ARV1: variants seen among roughly 807,000 people sequenced by gnomAD.
ARV1 encodes the protein ARV1 fatty acid homeostasis modulator, also known as protein ARV1.
ARV1 carries 26 observed loss-of-function variants against 31.1 expected under a neutral mutation model. The ratio of observed to expected loss-of-function variants is 0.84; its 90% confidence interval spans 0.61 to 1.16. The LOEUF is 1.16. Ranked by LOEUF, ARV1 falls within the 50% of genes most tolerant of loss-of-function variation. The probability of loss-of-function intolerance (pLI) is 0.00; values close to 1 mark genes in which losing one functional copy is unlikely to be tolerated. For missense variants in ARV1, 281 were observed against 324.9 expected (o/e 0.86, Z 1.04); for synonymous variants, 117 against 123.2 (o/e 0.95, Z 0.34).
intron 1 of ARV1, among the ~76,000 whole-genome samples, chr1:230,987,754 A>G (rs1679123233): frequency 6.6e-6 from 1 of 152,158 alleles, no homozygotes; most frequent in Non-Finnish European, 1.5e-5. Flanking sequence ...TACTGGAGAA[A>G]AACCCAGGCT....
chr1:230,996,985 T>C, intron 4 of ARV1, 136 bp from the exon 5 acceptor site: 1 of 1,057,478 alleles, frequency 9.5e-7, no homozygotes, highest in Non-Finnish European at 1.4e-6. Context: ...TGGGAGAAGG[T>C]AACAGCATAG....
At chr1:230,986,300 A>G (rs540392468) in intron 1 of ARV1, among the ~76,000 whole-genome samples, 2 of 152,258 alleles carry the variant, frequency 1.3e-5, no homozygotes, top group African/African-American at 4.8e-5. Context: ...AAACATACCT[A>G]TTCTTGTAAT....
chr1:230,989,516 AT>A (rs1679173396), intron 2 of ARV1, among the ~76,000 whole-genome samples: 1 of 152,142 alleles, frequency 6.6e-6, no homozygotes, highest in African/African-American at 2.4e-5. Flanking sequence ...GTTGCCTAGT[AT>A]TTTTTATTTT....
At chr1:230,995,596 A>C (rs547768081) in intron 3 of ARV1, among the ~76,000 whole-genome samples, 164 bp from the exon 4 acceptor site, 78 of 143,334 alleles carry the variant, frequency 5.4e-4, no homozygotes, top group South Asian at 1.9e-3. Context: ...AAAAAAAAAC[A>C]ACACACAAAC....
intron 4 of ARV1, among the ~76,000 whole-genome samples, chr1:230,996,299 C>T (rs1281455297): frequency 1.3e-5 from 2 of 152,208 alleles, no homozygotes; most frequent in East Asian, 1.9e-4. Flanking sequence ...GCTTGTCCGA[C>T]GTTACATGGC....
At chr1:230,987,677 G>A (rs1490586684) in intron 1 of ARV1, among the ~76,000 whole-genome samples, 1 of 152,204 alleles carries the variant, frequency 6.6e-6, no homozygotes, top group East Asian at 1.9e-4. Flanking sequence ...TCTCCAGACT[G>A]TACAGACAGT....
chr1:230,983,861 A>G (rs1678979084), intron 1 of ARV1, among the ~76,000 whole-genome samples: 2 of 152,242 alleles, frequency 1.3e-5, no homozygotes. Flanking sequence ...TCTTTAGAGG[A>G]AGATTTTTCT....
chr1:230,994,297 G>A (rs529027839), intron 3 of ARV1, among the ~76,000 whole-genome samples: 1 of 152,342 alleles, frequency 6.6e-6, no homozygotes, highest in East Asian at 1.9e-4. Context: ...GAGAGATGCT[G>A]TAGCTTTGAG....
At chr1:230,997,869 C>T (rs921054814) in intron 5 of ARV1, among the ~76,000 whole-genome samples, 1 of 152,164 alleles carries the variant, frequency 6.6e-6, no homozygotes, top group Non-Finnish European at 1.5e-5. Context: ...TCTGCCAGTG[C>T]ACAGAACCTC....
At chr1:230,998,539 C>T (rs1558247722) in intron 5 of ARV1, among the ~76,000 whole-genome samples, 1 of 152,150 alleles carries the variant, frequency 6.6e-6, no homozygotes, top group Non-Finnish European at 1.5e-5. Flanking sequence ...GCCTGCTTCC[C>T]CTGTTTCTTC....
chr1:230,986,709 G>T (rs1478226216), intron 1 of ARV1, among the ~76,000 whole-genome samples: 2 of 88,138 alleles, frequency 2.3e-5, no homozygotes, highest in Non-Finnish European at 4.2e-5. Context: ...TTTTTTTTGA[G>T]AGAGAGAGAC....
chr1:230,986,600 A>G (rs1423070627), intron 1 of ARV1, among the ~76,000 whole-genome samples: 1 of 150,134 alleles, frequency 6.7e-6, no homozygotes, highest in Non-Finnish European at 1.5e-5. Flanking sequence ...ATAGTATGGA[A>G]CCCAATTACC....
rs1354755225 is a variant in ARV1, at chr1:230,990,188, A to G, written c.373A>G (p.Asn125Asp). The stretch of plus-strand genomic sequence containing the variant: ...GTGGCAGCTTCAAGATTCCAACCAG[A>G]ATACTGCCCCTGATGACTTGATCAG... ...RWWQLQDSNQNTAPDDLIRYA... is the reference protein window; with the variant it reads ...RWWQLQDSNQDTAPDDLIRYA... Residue 125 changes from asparagine to aspartate, a missense_variant, in exon 3 of 6, where the codon AAT (asparagine) becomes GAT (aspartate). Transcript: ENST00000310256. 2.5e-6 allele frequency: 4 copies of G among 1,613,130 alleles called. No individual in the cohort carries two copies. In the Admixed American group the frequency reaches 5.0e-5, roughly 20 times the overall value.
intron 5 of ARV1, among the ~76,000 whole-genome samples, chr1:230,998,695 C>T (rs1465053295): frequency 6.6e-6 from 1 of 151,400 alleles, no homozygotes; most frequent in Non-Finnish European, 1.5e-5. Flanking sequence ...GGCTTGAGCC[C>T]AGGAGATCAA....
intron 5 of ARV1, among the ~76,000 whole-genome samples, chr1:230,998,458 C>T (rs1162394563): frequency 6.6e-6 from 1 of 152,174 alleles, no homozygotes; most frequent in African/African-American, 2.4e-5. Flanking sequence ...CTTCATTGAT[C>T]CTCTCTCCTG....
chr1:230,997,043 A>G, intron 4 of ARV1, 78 bp from the exon 5 acceptor site: 1 of 1,527,204 alleles, frequency 6.5e-7, no homozygotes, highest in South Asian at 1.2e-5. Context: ...TTTACAAAAC[A>G]ATTCATACTA....
chr1:230,988,581 A>G (rs1331687094), intron 2 of ARV1, 142 bp downstream of exon 2: 2 of 662,682 alleles, frequency 3.0e-6, no homozygotes, highest in Non-Finnish European at 4.7e-6. Context: ...TTATTGCAAC[A>G]TATCTGGAAG....
At chr1:230,985,488 T>G (rs2103045865) in intron 1 of ARV1, among the ~76,000 whole-genome samples, 1 of 152,318 alleles carries the variant, frequency 6.6e-6, no homozygotes, top group African/African-American at 2.4e-5. Flanking sequence ...AAGAGAACGA[T>G]TGTTATACAT....
intron 3 of ARV1, among the ~76,000 whole-genome samples, chr1:230,993,777 C>T (rs1409237403): frequency 6.6e-6 from 1 of 152,090 alleles, no homozygotes; most frequent in Non-Finnish European, 1.5e-5. Flanking sequence ...TGCCTGTAGT[C>T]CTAGCTACTT....
Sources: gnomAD v4.1 joint callset for allele counts (sites outside exome capture counted in the v4.1 genomes callset) on GRCh38, gnomAD v4.1.1 for gene constraint, MANE v1.5 for transcripts, NCBI Gene and HGNC (gene_info 2026-07-23, HGNC 2026-07-21) for gene names.